Variants in PCSK2 observed in about 807,000 individuals in gnomAD.
The protein encoded by PCSK2 is proprotein convertase subtilisin/kexin type 2, also known as neuroendocrine convertase 2.
A neutral mutation model predicts 69.7 loss-of-function variants in PCSK2; 14 were observed. The ratio of observed to expected loss-of-function variants is 0.20; its 90% CI spans 0.13 to 0.31. PCSK2 has a LOEUF of 0.31. Among genes scored for constraint, PCSK2 ranks in the 10% least tolerant of loss-of-function variants. The pLI is 1.00. For missense variants in PCSK2, 544 were observed against 842.5 expected (o/e 0.65, Z 4.39); for synonymous variants, 307 against 320.7 (o/e 0.96, Z 0.46).
intron 1 of PCSK2, among the ~76,000 whole-genome samples, chr20:17,234,457 C>A (rs1362585829): frequency 6.6e-6 from 1 of 152,124 alleles, no homozygotes; most frequent in Non-Finnish European, 1.5e-5. Context: ...CTGTAGAATC[C>A]ATTTCTCTAT....
intron 2 of PCSK2, among the ~76,000 whole-genome samples, chr20:17,336,319 C>A (rs547272254): frequency 2.6e-5 from 4 of 152,154 alleles, no homozygotes; most frequent in Admixed American, 1.3e-4. Flanking sequence ...TTTATAAAAA[C>A]CTAGTCACTC....
At chr20:17,289,456 G>T (rs1387715210) in intron 2 of PCSK2, among the ~76,000 whole-genome samples, 1 of 152,086 alleles carries the variant, frequency 6.6e-6, no homozygotes, top group African/African-American at 2.4e-5. Flanking sequence ...GGAACCCTCT[G>T]TACTTTCCAC....
At chr20:17,375,010 T>A (rs370297498) in intron 5 of PCSK2, among the ~76,000 whole-genome samples, 50 of 152,322 alleles carry the variant, frequency 3.3e-4, no homozygotes, top group African/African-American at 1.1e-3. Context: ...GAGGAGCATA[T>A]CAAACATCTT....
intron 11 of PCSK2, among the ~76,000 whole-genome samples, chr20:17,473,737 CA>C (rs766862630): frequency 1.3e-5 from 2 of 152,096 alleles, no homozygotes; most frequent in Admixed American, 1.3e-4. Flanking sequence ...CGATGCCAGC[CA>C]AAAAAACCTG....
intron 2 of PCSK2, among the ~76,000 whole-genome samples, chr20:17,349,436 G>A (rs1298446359): frequency 6.6e-6 from 1 of 152,172 alleles, no homozygotes; most frequent in Non-Finnish European, 1.5e-5. Flanking sequence ...CTAACACCTT[G>A]TGAGAGGAAG....
chr20:17,367,994 C>T (rs570992407), intron 4 of PCSK2, among the ~76,000 whole-genome samples: 1 of 152,202 alleles, frequency 6.6e-6, no homozygotes, highest in African/African-American at 2.4e-5. Flanking sequence ...TTGCTTCACT[C>T]ATCAAAATCA....
intron 2 of PCSK2, among the ~76,000 whole-genome samples, chr20:17,344,779 G>C (rs1240241485): frequency 6.6e-6 from 1 of 152,042 alleles, no homozygotes; most frequent in Admixed American, 6.5e-5. Flanking sequence ...AACTTTGGAA[G>C]GCTCTTTTCC....
At chr20:17,302,815 C>G (rs1011540081) in intron 2 of PCSK2, among the ~76,000 whole-genome samples, 6 of 152,154 alleles carry the variant, frequency 3.9e-5, no homozygotes, top group African/African-American at 1.4e-4. Flanking sequence ...AGCTTCAGAT[C>G]TCACCCTTTT....
At chr20:17,481,413 A>AAAAAG (rs113487407) in intron 11 of PCSK2, among the ~76,000 whole-genome samples, 171 bp from the exon 12 acceptor site, 17 of 115,826 alleles carry the variant, frequency 1.5e-4, no homozygotes, top group African/African-American at 3.1e-4. Context: ...AAAAAAAAAA[A>AAAAAG]AGAGATAAGT....
chr20:17,463,404 A>G (rs965576855), intron 10 of PCSK2: 2 of 152,088 alleles, frequency 1.3e-5, no homozygotes, highest in Non-Finnish European at 2.9e-5. Context: ...CATTTACACC[A>G]TTTTACACCA....
intron 5 of PCSK2, among the ~76,000 whole-genome samples, chr20:17,404,631 G>A (rs1381018905): frequency 6.6e-6 from 1 of 152,220 alleles, no homozygotes; most frequent in Non-Finnish European, 1.5e-5. Context: ...AGTCAGCCTA[G>A]TTCATACCAG....
At position 17,453,601 on chromosome 20, in the gene PCSK2, T is replaced by A; in HGVS notation, c.886-141T>A. The stretch of plus-strand genomic sequence containing the variant: ...CCCACAATGCCCTGCCAGAAGGATA[T>A]GGTGTCCAACCCAGTTTAAAAAGTG... On this transcript the variant is annotated intron_variant, in intron 8 of 11. Transcript: ENST00000262545. This position sits in a 1 kb window ranked among gnomAD's most constrained non-coding sequence, Gnocchi z 4.0. 1.4e-6 allele frequency: 1 copy of A among 719,340 alleles called. No individual in the cohort carries two copies. The highest frequency in any genetic ancestry group is 2.2e-6 in the Non-Finnish European group (1 of 453,714). 44.6% of individuals were successfully genotyped at this position (719,340 alleles called of 1,614,324 possible).
At chr20:17,302,997 G>T (rs543598471) in intron 2 of PCSK2, among the ~76,000 whole-genome samples, 2 of 151,916 alleles carry the variant, frequency 1.3e-5, no homozygotes, top group African/African-American at 2.4e-5. Flanking sequence ...TTGAACCAGA[G>T]AACTTGAAAA....
rs1400417561 is a variant in PCSK2 at position 17,260,331 on chromosome 20, A to T, written c.269A>T (p.Glu90Val). 6.2e-7 allele frequency: 1 copy of T among 1,611,698 alleles called. No individual in the cohort carries two copies. Among genetic ancestry groups the T allele is most frequent in the Non-Finnish European group, 8.5e-7 (1 of 1,177,918 alleles). Residue 90 changes from glutamate (E) to valine (V), a missense_variant, in exon 2 of 12, where the codon GAG becomes GTG. Glu to Val is a moderately radical substitution (Grantham distance 121). Transcript: ENST00000262545. ...RRSLHHKQQL[E>V]RDPRVKMALQ... ...AGCCTACACCACAAGCAGCAGCTGG[A>T]GAGAGACCCCAGGGTGAGTTTTCCC...
intron 1 of PCSK2, among the ~76,000 whole-genome samples, chr20:17,243,185 T>C (rs977856550): frequency 6.6e-6 from 1 of 152,196 alleles, no homozygotes; most frequent in East Asian, 1.9e-4. Flanking sequence ...TTCCAATGAG[T>C]TGCTTCTTGT....
At chr20:17,378,609 A>G (rs2030997839) in intron 5 of PCSK2, among the ~76,000 whole-genome samples, 1 of 147,968 alleles carries the variant, frequency 6.8e-6, no homozygotes, top group Non-Finnish European at 1.5e-5. Context: ...GGATGGATGG[A>G]TGGATGGATG....
At chr20:17,450,318 G>A (rs1336788646) in intron 8 of PCSK2, among the ~76,000 whole-genome samples, 1 of 152,080 alleles carries the variant, frequency 6.6e-6, no homozygotes, top group Non-Finnish European at 1.5e-5. Flanking sequence ...ATGAGACACC[G>A]CGCCCGGCTC....
At chr20:17,235,723 T>A (rs908608341) in intron 1 of PCSK2, among the ~76,000 whole-genome samples, 1 of 152,142 alleles carries the variant, frequency 6.6e-6, no homozygotes, top group Non-Finnish European at 1.5e-5. Context: ...TTGAATGAAT[T>A]ACTTGATTGA....
intron 5 of PCSK2, among the ~76,000 whole-genome samples, chr20:17,398,833 A>G (rs2031572300): frequency 6.6e-6 from 1 of 152,050 alleles, no homozygotes; most frequent in African/African-American, 2.4e-5. Context: ...TTGCTCAAGT[A>G]TTTGTATTTC....
Sources: allele counts gnomAD v4.1 joint callset (sites outside exome capture counted in the v4.1 genomes callset), GRCh38; gene constraint gnomAD v4.1.1; non-coding constraint Gnocchi (gnomAD v3.1); transcripts MANE v1.5; gene names NCBI Gene and HGNC (gene_info 2026-07-23, HGNC 2026-07-21).